ABLIM1: variants seen among roughly 807,000 people sequenced by gnomAD.
ABLIM1 encodes actin binding LIM protein 1.
A neutral mutation model predicts 107.0 loss-of-function variants in ABLIM1; 40 were observed. The observed-to-expected ratio is 0.37, with a 90% CI of 0.29 to 0.49. The LOEUF is 0.49. Among genes scored for constraint, ABLIM1 ranks in the 20% least tolerant of loss-of-function variants. The probability of loss-of-function intolerance (pLI) is 0.97; values close to 1 mark genes in which losing one functional copy is unlikely to be tolerated. For missense variants in ABLIM1, 857 were observed against 1,008.5 expected (o/e 0.85, Z 2.04); for synonymous variants, 357 against 357.3 (o/e 1.00, Z 0.01).
chr10:114,512,594 G>C (rs1209861732), intron 6 of ABLIM1, among the ~76,000 whole-genome samples: 1 of 152,160 alleles, frequency 6.6e-6, no homozygotes, highest in Non-Finnish European at 1.5e-5. Flanking sequence ...GGAGGCCGAG[G>C]AGGACGGATC....
chr10:114,783,466 C>T, the ABLIM1 span, among the ~76,000 whole-genome samples: 1 of 151,870 alleles, frequency 6.6e-6, no homozygotes, highest in African/African-American at 2.4e-5. Context: ...GCTACAGATA[C>T]AAATCCAAAA....
intron 2 of ABLIM1, among the ~76,000 whole-genome samples, chr10:114,589,358 G>A (rs183891802): frequency 7.9e-4 from 119 of 151,070 alleles, no homozygotes; most frequent in African/African-American, 2.7e-3. Flanking sequence ...GGTGAAACCC[G>A]TCTCTCCTAA....
chr10:114,683,097 G>T (rs2080815483), intron 1 of ABLIM1, among the ~76,000 whole-genome samples: 1 of 152,212 alleles, frequency 6.6e-6, no homozygotes, highest in Non-Finnish European at 1.5e-5. Flanking sequence ...AATATGCATA[G>T]TGTCCTTATT....
Position 114,436,189 on chromosome 10 carries a change from G to T in ABLIM1, c.*71C>A. 1 of 1,236,274 alleles carries T rather than the reference G, an allele frequency of 8.1e-7. No individual in the cohort carries two copies. The highest frequency in any genetic ancestry group is 1.2e-6 in the Non-Finnish European group (1 of 863,762). The allele number at this position is 1,236,274 out of a possible 1,614,324, so 76.6% of individuals were successfully genotyped here. A position where few individuals can be genotyped will look rare whatever the true frequency, so the allele number is the denominator to read the frequency against. On this transcript the variant is annotated 3_prime_UTR_variant, in exon 23 of 23. Transcript: ENST00000533213. ...TTGCAAATTCTCCAATCAAGTTTGG[G>T]CCTCAATATGACATCCTATGGGGCA...
intron 1 of ABLIM1, among the ~76,000 whole-genome samples, chr10:114,618,934 C>G (rs780347649): frequency 6.6e-6 from 1 of 152,152 alleles, no homozygotes; most frequent in Non-Finnish European, 1.5e-5. Context: ...CATATCAACT[C>G]TCTCCAATGG....
At chr10:114,695,579 A>G (rs2081177887) in intron 1 of ABLIM1, among the ~76,000 whole-genome samples, 1 of 152,230 alleles carries the variant, frequency 6.6e-6, no homozygotes, top group Non-Finnish European at 1.5e-5. Flanking sequence ...CTTTTCAGAT[A>G]AGGAAAACTG....
chr10:114,696,475 G>A (rs2081195965), intron 1 of ABLIM1, among the ~76,000 whole-genome samples: 1 of 152,140 alleles, frequency 6.6e-6, no homozygotes, highest in Admixed American at 6.5e-5. Flanking sequence ...ATATGGTTTG[G>A]CTGTGTTCCC....
chr10:114,500,035 T>C (rs946122693), intron 6 of ABLIM1, among the ~76,000 whole-genome samples: 3 of 152,092 alleles, frequency 2.0e-5, no homozygotes, highest in African/African-American at 7.2e-5. Context: ...TGGGCAAAGG[T>C]GAATAAATCA....
chr10:114,492,458 A>T (rs1319082531), intron 6 of ABLIM1, among the ~76,000 whole-genome samples: 2 of 152,180 alleles, frequency 1.3e-5, no homozygotes, highest in Non-Finnish European at 2.9e-5. Flanking sequence ...TTTCTGGAGA[A>T]GGCATTTTAC....
intron 1 of ABLIM1, among the ~76,000 whole-genome samples, chr10:114,680,857 A>T (rs756125947): frequency 6.6e-6 from 1 of 152,236 alleles, no homozygotes; most frequent in Non-Finnish European, 1.5e-5. Context: ...TATTCTGAAC[A>T]GTCCCTAGCA....
chr10:114,653,421 G>A (rs1388006337), intron 1 of ABLIM1, among the ~76,000 whole-genome samples: 3 of 152,116 alleles, frequency 2.0e-5, no homozygotes, highest in African/African-American at 7.2e-5. Flanking sequence ...GCATGCGCCT[G>A]TGGTTCCAGC....
At chr10:114,586,721 C>T (rs927109154) in intron 2 of ABLIM1, among the ~76,000 whole-genome samples, 1 of 152,274 alleles carries the variant, frequency 6.6e-6, no homozygotes. Context: ...GCACATCTAT[C>T]CAGGACAGCC....
At chr10:114,517,381 C>T (rs2063017912) in intron 6 of ABLIM1, among the ~76,000 whole-genome samples, 1 of 152,110 alleles carries the variant, frequency 6.6e-6, no homozygotes, top group Non-Finnish European at 1.5e-5. Context: ...CCACGCAGCA[C>T]CAAGGATGCT....
intron 8 of ABLIM1, among the ~76,000 whole-genome samples, chr10:114,482,717 T>A (rs2057562338): frequency 6.6e-6 from 1 of 152,186 alleles, no homozygotes; most frequent in African/African-American, 2.4e-5. Flanking sequence ...GAATCAGATG[T>A]CCCTTTTGAA....
chr10:114,796,331 T>C, the ABLIM1 span, among the ~76,000 whole-genome samples: 2 of 152,172 alleles, frequency 1.3e-5, no homozygotes, highest in African/African-American at 4.8e-5. Flanking sequence ...ATCTGAAGGC[T>C]TGACTGGAGC....
chr10:114,714,577 T>C (rs1218256452), intron 1 of ABLIM1, among the ~76,000 whole-genome samples: 1 of 152,224 alleles, frequency 6.6e-6, no homozygotes, highest in Admixed American at 6.5e-5. Flanking sequence ...AATATCCATG[T>C]GCTACCAATG....
intron 6 of ABLIM1, among the ~76,000 whole-genome samples, chr10:114,529,113 G>A (rs576546676): frequency 6.6e-6 from 1 of 151,706 alleles, no homozygotes; most frequent in South Asian, 2.1e-4. Context: ...CACTACCCAC[G>A]AGTCTTCATC....
At chr10:114,766,614 T>C (rs2082900665) in intron 1 of ABLIM1, among the ~76,000 whole-genome samples, 1 of 152,158 alleles carries the variant, frequency 6.6e-6, no homozygotes, top group Non-Finnish European at 1.5e-5. Flanking sequence ...ACTTGGCCCC[T>C]ACAGTGTGCA....
intron 9 of ABLIM1, 39 bp downstream of exon 9, chr10:114,473,840 C>T (rs1240847241): frequency 6.7e-7 from 1 of 1,500,456 alleles, no homozygotes; most frequent in Non-Finnish European, 9.2e-7. Flanking sequence ...CACTAATTTA[C>T]CTGTCCCAGA....
Sources: gnomAD v4.1 joint callset for allele counts (sites outside exome capture counted in the v4.1 genomes callset) on GRCh38, gnomAD v4.1.1 for gene constraint, MANE v1.5 for transcripts, NCBI Gene and HGNC (gene_info 2026-07-23, HGNC 2026-07-21) for gene names.